Variants in PLCG2 observed in about 807,000 individuals in gnomAD.
PLCG2 encodes phospholipase C gamma 2.
A neutral mutation model predicts 175.6 loss-of-function variants in PLCG2; 69 were observed. The ratio of observed to expected loss-of-function variants is 0.39; its 90% CI spans 0.32 to 0.48. The LOEUF (loss-of-function observed/expected upper bound fraction) is 0.48, where lower values mean the gene tolerates loss of function less well. PLCG2 is among the 20% of genes least tolerant of loss of function. The pLI is 0.91. For synonymous variants in PLCG2, 827 were observed against 624.0 expected, an observed-to-expected ratio of 1.33 and a Z score of -4.85; for missense variants, 1,798 against 1,650.9, an observed-to-expected ratio of 1.09 and a Z score of -1.54.
intron 31 of PLCG2, among the ~76,000 whole-genome samples, chr16:81,947,368 T>C (rs996175383): frequency 5.3e-5 from 8 of 152,316 alleles, no homozygotes; most frequent in African/African-American, 1.9e-4. Context: ...TTTCATTTAA[T>C]TCCACATCTG....
intron 2 of PLCG2, among the ~76,000 whole-genome samples, chr16:81,838,615 G>T (rs1425555874): frequency 6.6e-6 from 1 of 151,894 alleles, no homozygotes; most frequent in Non-Finnish European, 1.5e-5. Context: ...GTCAGGGGGT[G>T]GGGGCAAGGG....
chr16:81,942,980 G>GAGA (rs1567543935), intron 30 of PLCG2, among the ~76,000 whole-genome samples: 1 of 152,058 alleles, frequency 6.6e-6, no homozygotes, highest in African/African-American at 2.4e-5. Context: ...TGGGCAGCGA[G>GAGA]AGAAGGTACA....
Position 81,924,013 on chromosome 16 carries a change from C to T in PLCG2, c.2417+419C>T, listed in dbSNP as rs1217665969. Among the ~76,000 whole-genome samples the T allele has an allele frequency of 3.3e-5, 5 of 152,302 alleles. No homozygotes were observed. The South Asian group carries it at 8.3e-4, about 25-fold the overall frequency. The stretch of plus-strand genomic sequence containing the variant: ...AATACTAAATACTAAATAGTGCAGG[C>T]GCTTTCCAATACACAAGACTGTGTG... On this transcript the variant is annotated intron_variant, in intron 22 of 32. Transcript: ENST00000564138.
rs538968964 is a variant in PLCG2, at chr16:81,792,464, G to A, written c.193+6282G>A. On this transcript the variant is annotated intron_variant, in intron 2 of 32. Transcript: ENST00000564138. ...CCACTGCACTCCAGCCTGGGTGACA[G>A]AGCAAGGCTCTGTCTCAAAAAAAAA... 1.1e-3 allele frequency among the ~76,000 whole-genome samples: 126 copies of A among 115,820 alleles called. 2 individuals are homozygous for A. Among genetic ancestry groups the A allele is most frequent in the African/African-American group, 4.5e-3 (125 of 27,864 alleles). 76.0% of individuals were successfully genotyped at this position (115,820 alleles called of 152,430 possible).
chr16:81,919,672 G>C lies in PLCG2; in HGVS notation c.2235+8G>C. 1 of 1,607,674 alleles carries C rather than the reference G, an allele frequency of 6.2e-7. No individual in the cohort carries two copies. Among genetic ancestry groups the C allele is most frequent in the Non-Finnish European group, 8.5e-7 (1 of 1,174,952 alleles). ...CTGGAGCGCTACAATATGGTAGGTG[G>C]TGGACTCCCTTGTGATTTGGTGGGA... On this transcript the variant is annotated splice_region_variant and intron_variant, in intron 20 of 32. Coordinates refer to ENST00000564138, the MANE Select transcript of PLCG2 (RefSeq NM_002661.5).
chr16:81,802,737 G>A lies in PLCG2; in HGVS notation c.193+16555G>A, dbSNP rs546733190. 3.9e-5 allele frequency among the ~76,000 whole-genome samples: 6 copies of A among 151,928 alleles called. No homozygotes were observed. In the South Asian group the frequency reaches 1.2e-3, roughly 32 times the overall value. On this transcript the variant is annotated intron_variant, in intron 2 of 32. Coordinates refer to ENST00000564138, the MANE Select transcript of PLCG2 (RefSeq NM_002661.5). ...CAGGCATGCGCCACCACGCCCAGCTGATTTTGTATTTTTAGTAGGGACGGC... is the reference window on the plus strand; with the variant it reads ...CAGGCATGCGCCACCACGCCCAGCTAATTTTGTATTTTTAGTAGGGACGGC...
chr16:81,843,276 A>C (rs1905932905), intron 2 of PLCG2, among the ~76,000 whole-genome samples: 1 of 152,194 alleles, frequency 6.6e-6, no homozygotes, highest in African/African-American at 2.4e-5. Context: ...CCTTCTCACT[A>C]GTAGTGCCTG....
At chr16:81,823,730 A>G (rs1162617470) in intron 2 of PLCG2, among the ~76,000 whole-genome samples, 2 of 146,068 alleles carry the variant, frequency 1.4e-5, no homozygotes, top group Non-Finnish European at 3.0e-5. Context: ...GGGTCTCTCT[A>G]TGTTGCCCAG....
intron 30 of PLCG2, among the ~76,000 whole-genome samples, chr16:81,944,742 C>G (rs998771311): frequency 6.6e-6 from 1 of 152,130 alleles, no homozygotes; most frequent in Non-Finnish European, 1.5e-5. Flanking sequence ...TCCCCAAGTG[C>G]TAGGATTACA....
chr16:81,785,494 T>C (rs1030620244), intron 1 of PLCG2, among the ~76,000 whole-genome samples: 2 of 57,120 alleles, frequency 3.5e-5, no homozygotes, highest in Admixed American at 2.2e-4. Context: ...TTCGTTTATT[T>C]CATTTTTTTT....
intron 2 of PLCG2, among the ~76,000 whole-genome samples, chr16:81,820,116 A>G (rs770797769): frequency 6.6e-6 from 1 of 152,230 alleles, no homozygotes; most frequent in Non-Finnish European, 1.5e-5. Flanking sequence ...GTTGTGCTTC[A>G]TATTTTAAGA....
In PLCG2 at chr16:81,936,843, C is replaced by G. The variant is rs62044947; in HGVS notation, c.3052+465C>G. 1.1e-4 allele frequency among the ~76,000 whole-genome samples: 16 copies of G among 152,126 alleles called. No homozygotes were observed. The East Asian group carries it at 3.1e-3, about 30-fold the overall frequency. ...TGTTGTTGTTATTTAAGACCTCTTT[C>G]GAGGGATCTATTCATCAGTAGCCTC... On this transcript the variant is annotated intron_variant, in intron 27 of 32. Coordinates refer to ENST00000564138, the MANE Select transcript of PLCG2 (RefSeq NM_002661.5).
intron 2 of PLCG2, among the ~76,000 whole-genome samples, chr16:81,768,889 T>C (rs1183425820): frequency 6.6e-6 from 1 of 152,096 alleles, no homozygotes; most frequent in Non-Finnish European, 1.5e-5. Context: ...TTTTTTATTT[T>C]AACCATTTTA....
chr16:81,819,729 T>C (rs983162297), intron 2 of PLCG2, among the ~76,000 whole-genome samples: 2 of 152,120 alleles, frequency 1.3e-5, no homozygotes, highest in African/African-American at 2.4e-5. Context: ...GGATTACAGG[T>C]ACCCACCACC....
At chr16:81,781,548 A>C (rs988177416) in intron 1 of PLCG2, among the ~76,000 whole-genome samples, 1 of 151,854 alleles carries the variant, frequency 6.6e-6, no homozygotes, top group African/African-American at 2.4e-5. Context: ...TTTGCTTTTT[A>C]GTAGCTGCTC....
At chr16:81,837,040 T>G (rs1192931655) in intron 2 of PLCG2, among the ~76,000 whole-genome samples, 1 of 152,226 alleles carries the variant, frequency 6.6e-6, no homozygotes, top group Non-Finnish European at 1.5e-5. Context: ...AGACTCAACA[T>G]CAGTTACAAC....
intron 13 of PLCG2, 66 bp from the exon 14 acceptor site, chr16:81,900,546 C>T (rs1909104602): frequency 6.9e-7 from 1 of 1,457,954 alleles, no homozygotes; most frequent in Non-Finnish European, 9.3e-7. Flanking sequence ...GCCCTGGCCC[C>T]TCTGTGGGGC....
At chr16:81,789,944 C>T (rs1208006800) in intron 2 of PLCG2, among the ~76,000 whole-genome samples, 4 of 152,084 alleles carry the variant, frequency 2.6e-5, no homozygotes, top group East Asian at 1.9e-4. Flanking sequence ...TTCAAATCTC[C>T]GTGGAGCCTA....
intron 2 of PLCG2, among the ~76,000 whole-genome samples, chr16:81,806,998 G>A (rs908972992): frequency 2.6e-5 from 4 of 152,122 alleles, no homozygotes; most frequent in African/African-American, 4.8e-5. Flanking sequence ...AGTGGATGAC[G>A]GATGACTGAT....
Sources: allele counts gnomAD v4.1 joint callset (sites outside exome capture counted in the v4.1 genomes callset), GRCh38; gene constraint gnomAD v4.1.1; transcripts MANE v1.5; gene names NCBI Gene and HGNC (gene_info 2026-07-23, HGNC 2026-07-21).